Variants in POLE2 observed in about 807,000 individuals in gnomAD.
POLE2 encodes DNA polymerase epsilon subunit 2.
A neutral mutation model predicts 79.4 loss-of-function variants in POLE2; 56 were observed. The ratio of observed to expected loss-of-function variants is 0.71; its 90% CI spans 0.57 to 0.88. POLE2 has a LOEUF of 0.88. POLE2 is among the 40% of genes least tolerant of loss of function. POLE2 has a pLI of 0.00. For synonymous variants in POLE2, 212 were observed against 214.0 expected (o/e 0.99, Z 0.08); for missense variants, 598 against 638.9 (o/e 0.94, Z 0.69).
chr14:49,656,429 T>G (rs1884685129), intron 10 of POLE2, among the ~76,000 whole-genome samples: 2 of 150,760 alleles, frequency 1.3e-5, no homozygotes, highest in African/African-American at 4.9e-5. Flanking sequence ...GTAGAAGAAA[T>G]GAGTACACCA....
chr14:49,682,375 C>T (rs1289479111), intron 2 of POLE2, among the ~76,000 whole-genome samples: 2 of 151,644 alleles, frequency 1.3e-5, no homozygotes, highest in East Asian at 2.0e-4. Context: ...CAATGGCTCA[C>T]GCCTGTAATC....
intron 11 of POLE2, 43 bp downstream of exon 11, chr14:49,655,628 C>A (rs542833533): frequency 2.2e-6 from 3 of 1,382,046 alleles, no homozygotes; most frequent in African/African-American, 1.5e-5. Flanking sequence ...AAAACATGAA[C>A]CCTTAAAAGA....
intron 5 of POLE2, among the ~76,000 whole-genome samples, chr14:49,670,975 T>TA (rs1449923033): frequency 3.3e-5 from 5 of 152,292 alleles, no homozygotes; most frequent in Admixed American, 3.3e-4. Context: ...AGCCAAGAAG[T>TA]TTGTCCTATA....
intron 3 of POLE2, among the ~76,000 whole-genome samples, chr14:49,676,852 C>A (rs1157342725): frequency 6.6e-6 from 1 of 152,206 alleles, no homozygotes; most frequent in African/African-American, 2.4e-5. Context: ...ACTGGCATCA[C>A]CAGGACCTGT....
chr14:49,669,685 C>A, intron 5 of POLE2, 87 bp from the exon 6 acceptor site: 1 of 702,336 alleles, frequency 1.4e-6, no homozygotes, highest in Non-Finnish European at 2.5e-6. Flanking sequence ...GAAACACTGT[C>A]CTTAAACTAA....
intron 18 of POLE2, among the ~76,000 whole-genome samples, chr14:49,644,309 G>A (rs540775454): frequency 3.2e-4 from 48 of 150,742 alleles, no homozygotes; most frequent in Non-Finnish European, 4.6e-4. Context: ...TCAGGAGTTC[G>A]AGACCAGCCT....
intron 17 of POLE2, among the ~76,000 whole-genome samples, chr14:49,649,368 G>C (rs376831343): frequency 1.3e-5 from 2 of 150,932 alleles, no homozygotes; most frequent in Non-Finnish European, 1.5e-5. Context: ...GGATGGTCTC[G>C]ATCTCCTGAC....
chr14:49,677,667 G>C, intron 3 of POLE2: 1 of 876,184 alleles, frequency 1.1e-6, no homozygotes, highest in South Asian at 1.7e-5. Flanking sequence ...ACAATGTTTG[G>C]GGAAGGCCCT....
At chr14:49,672,361 G>A (rs1885957992) in intron 5 of POLE2, among the ~76,000 whole-genome samples, 1 of 151,996 alleles carries the variant, frequency 6.6e-6, no homozygotes, top group African/African-American at 2.4e-5. Flanking sequence ...GGAAGCAGCA[G>A]AGGATGCTGG....
chr14:49,655,458 A>AACACACAC (rs35575577), intron 11 of POLE2, among the ~76,000 whole-genome samples: 1,556 of 143,462 alleles, frequency 0.011, 29 homozygotes, highest in African/African-American at 0.037. Context: ...CATGACTATA[A>AACACACAC]ACACACACAC....
intron 18 of POLE2, among the ~76,000 whole-genome samples, chr14:49,646,301 G>GTTTTTTTTTTTTTTTTT (rs1566522550): frequency 7.7e-5 from 7 of 90,756 alleles, no homozygotes; most frequent in African/African-American, 2.9e-4. Flanking sequence ...TTTTTTTGTT[G>GTTTTTTTTTTTTTTTTT]GTTTTTTTTT....
chr14:49,678,391 C>T (rs1020082238), intron 3 of POLE2, among the ~76,000 whole-genome samples: 1 of 152,044 alleles, frequency 6.6e-6, no homozygotes, highest in African/African-American at 2.4e-5. Context: ...AAAAGGAAAA[C>T]TGATGCGATA....
At position 49,679,769 on chromosome 14, in the gene POLE2, C is replaced by T. The variant is rs1396107357; in HGVS notation, c.201G>A (p.Val67=). The part of the protein sequence containing the change: ...LSSNMIERSV[V]EAAVQECSQS... ...GACTGCATTCCTGGACTGCTGCTTC[C>T]ACCACAGATCGTTCAATCATGTTTG... The change falls in exon 3 of 19, where the codon GTG becomes GTA. Residue 67 remains valine (V), a synonymous_variant. Coordinates refer to ENST00000216367, the MANE Select transcript of POLE2 (RefSeq NM_002692.4). 1 of 1,605,298 alleles carries T rather than the reference C, an allele frequency of 6.2e-7. No homozygotes were observed. Among genetic ancestry groups the T allele is most frequent in the South Asian group, 1.1e-5 (1 of 90,552 alleles).
rs770149933 is a variant in POLE2, at chr14:49,669,608, A to T, written c.418-10T>A. 1 of 1,440,970 alleles carries T rather than the reference A, an allele frequency of 6.9e-7. No homozygotes were observed. Among genetic ancestry groups the T allele is most frequent in the East Asian group, 2.3e-5 (1 of 44,154 alleles). 89.3% of individuals were successfully genotyped at this position (1,440,970 alleles called of 1,614,324 possible). ...CATGCCTGTGGGTCCTCTATAAAAA[A>T]GAAAGATTCACATGAATTCCTGAAA... On this transcript the variant is annotated splice_polypyrimidine_tract_variant and intron_variant, in intron 5 of 18. Transcript: ENST00000216367.
Position 49,674,120 on chromosome 14 carries a change from T to G in POLE2, c.417+3A>C, listed in dbSNP as rs781446269. ...CCTCCCCTCCGCCCCCTACCAAACT[T>G]ACCTGGTGCAAAATGGTATATCGCT... is the stretch of plus-strand genomic sequence containing the variant. On this transcript the variant is annotated splice_donor_region_variant and intron_variant, in intron 5 of 18. Transcript: ENST00000216367. 1 of 1,584,194 alleles carries G rather than the reference T, an allele frequency of 6.3e-7. No individual in the cohort carries two copies. Among genetic ancestry groups the G allele is most frequent in the South Asian group, 1.1e-5 (1 of 90,438 alleles).
intron 6 of POLE2, among the ~76,000 whole-genome samples, 194 bp downstream of exon 6, chr14:49,669,327 CAGT>C (rs1885708962): frequency 2.0e-5 from 3 of 152,190 alleles, no homozygotes; most frequent in Non-Finnish European, 4.4e-5. Flanking sequence ...TCAAAGGAAG[CAGT>C]AGCTTCTGTT....
chr14:49,657,112 C>CAA (rs35156256), intron 10 of POLE2, among the ~76,000 whole-genome samples: 27,760 of 122,912 alleles, frequency 0.23, 2,804 homozygotes, highest in Admixed American at 0.33. Flanking sequence ...GATTTTGCCT[C>CAA]AAAAAAAAAA....
chr14:49,660,036 C>A (rs1034837747), intron 10 of POLE2, among the ~76,000 whole-genome samples: 1 of 152,342 alleles, frequency 6.6e-6, no homozygotes, highest in Admixed American at 6.5e-5. Context: ...TCACTCAGAG[C>A]AACTTCCAGC....
At chr14:49,644,467 G>A (rs926504204) in intron 18 of POLE2, among the ~76,000 whole-genome samples, 2 of 149,490 alleles carry the variant, frequency 1.3e-5, no homozygotes, top group Admixed American at 1.3e-4. Flanking sequence ...CTGAGATTGC[G>A]CCATTGCACT....
Sources: gnomAD v4.1 joint callset for allele counts (sites outside exome capture counted in the v4.1 genomes callset) on GRCh38, gnomAD v4.1.1 for gene constraint, MANE v1.5 for transcripts, NCBI Gene and HGNC (gene_info 2026-07-23, HGNC 2026-07-21) for gene names.